The following STK36 variants were observed in gnomAD, a reference collection of about 807,000 sequenced individuals.
The protein encoded by STK36 is serine/threonine kinase 36.
A neutral mutation model predicts 142.2 loss-of-function variants in STK36; 116 were observed. The ratio of observed to expected loss-of-function variants is 0.82; its 90% CI spans 0.70 to 0.95. The LOEUF is 0.95. Among genes scored for constraint, STK36 ranks in the 40% least tolerant of loss-of-function variants. The pLI, the probability that STK36 is intolerant of heterozygous loss-of-function variation, is 0.00. For synonymous variants in STK36, 619 were observed against 641.7 expected (o/e 0.96, Z 0.53); for missense variants, 1,422 against 1,617.2 (o/e 0.88, Z 2.07).
chr2:218,698,533 GT>G, intron 25 of STK36, 68 bp from the exon 26 acceptor site: 2 of 1,537,368 alleles, frequency 1.3e-6, no homozygotes, highest in Non-Finnish European at 8.7e-7. Flanking sequence ...TCTCTCCCAG[GT>G]TTTGGGCTTC....
At chr2:218,684,364 C>T (rs1330509456) in intron 10 of STK36, among the ~76,000 whole-genome samples, 1 of 149,750 alleles carries the variant, frequency 6.7e-6, no homozygotes, top group East Asian at 2.0e-4. Context: ...ATCTGCCTGC[C>T]TCAGCCTCCC....
Position 218,694,234 on chromosome 2 carries a change from T to A in STK36, c.2337-30T>A. The A allele has an allele frequency of 6.3e-7, 1 of 1,591,400 alleles. No homozygotes were observed. Among genetic ancestry groups the A allele is most frequent in the Non-Finnish European group, 8.6e-7 (1 of 1,159,350 alleles). The stretch of plus-strand genomic sequence containing the variant: ...GCTTACCAACCTCCTTTAATACTGC[T>A]GCATCCCTTGATGTATCTCTTTATT... On this transcript the variant is annotated intron_variant, in intron 19 of 26. Coordinates refer to ENST00000295709, the MANE Select transcript of STK36 (RefSeq NM_015690.5). The surrounding 1 kb of genome is among the most constrained non-coding windows in gnomAD (Gnocchi z 4.4).
chr2:218,672,997 A>G, intron 2 of STK36, 84 bp downstream of exon 2: 1 of 1,270,496 alleles, frequency 7.9e-7, no homozygotes, highest in Non-Finnish European at 1.1e-6. Flanking sequence ...GAATGTATTT[A>G]TACCAGTTTG....
intron 10 of STK36, among the ~76,000 whole-genome samples, chr2:218,681,446 GT>G (rs945231830): frequency 5.3e-5 from 8 of 151,738 alleles, no homozygotes; most frequent in African/African-American, 9.7e-5. Flanking sequence ...TTATTAATAT[GT>G]TTTTTTTGAG....
At position 218,695,222 on chromosome 2, in the gene STK36, CTTTTTTTT is replaced by C. The variant is rs531122836; in HGVS notation, c.2511+603_2511+610del. 1.5e-4 allele frequency among the ~76,000 whole-genome samples: 13 copies of C among 88,108 alleles called. No homozygotes were observed. The East Asian group carries it at 3.0e-3, about 20-fold the overall frequency. 57.8% of individuals were successfully genotyped at this position (88,108 alleles called of 152,430 possible). On this transcript the variant is annotated intron_variant, in intron 21 of 26. Transcript: ENST00000295709. The stretch of plus-strand genomic sequence containing the variant: ...CTTTATAATCAAATTATTGTCATCC[CTTTTTTTT>C]TTTTTTTTTTTTTTTGAGATGGAGT...
chr2:218,700,984 C>A (rs1485931740), intron 26 of STK36, among the ~76,000 whole-genome samples: 1 of 150,090 alleles, frequency 6.7e-6, no homozygotes, highest in African/African-American at 2.5e-5. Flanking sequence ...TGCATTCCAG[C>A]CTGGGTGACA....
rs926644457 is a variant in STK36 at position 218,694,347 on chromosome 2, C to G, written c.2400+20C>G. 8.1e-6 allele frequency: 13 copies of G among 1,608,960 alleles called. No individual in the cohort carries two copies. Among genetic ancestry groups the G allele is most frequent in the Non-Finnish European group, 1.0e-5 (12 of 1,175,502 alleles). ...CTTGTGGTAAGTTTTTAACCTTCAC[C>G]CTCCTCCCCTTTTCACCCTAGCATC... On this transcript the variant is annotated intron_variant, in intron 20 of 26. Transcript: ENST00000295709. The surrounding 1 kb of genome is among the most constrained non-coding windows in gnomAD (Gnocchi z 4.4).
At chr2:218,676,654 T>TTTTTC (rs1454829227) in intron 6 of STK36, among the ~76,000 whole-genome samples, 8,036 of 142,090 alleles carry the variant, frequency 0.057, 794 homozygotes, top group African/African-American at 0.2. Flanking sequence ...TTTTTTTTTC[T>TTTTTC]TTTTTTTTTT....
At position 218,698,915 on chromosome 2, in the gene STK36, C is replaced by G; in HGVS notation, c.3371C>G (p.Ser1124Cys). The part of the protein sequence containing the change: ...LRSLLGHPEN[S>C]VRAHTYRLLG... Reference sequence around the variant, plus strand: ...AGCCTCCTGGGCCACCCAGAGAATTCTGTGCGGGCACACACTTATAGGCTC... The same window carrying G: ...AGCCTCCTGGGCCACCCAGAGAATTGTGTGCGGGCACACACTTATAGGCTC... The change falls in exon 26 of 27, where the codon TCT (serine) becomes TGT (cysteine). Residue 1124 changes from serine to cysteine, a missense_variant. Physicochemically the swap from Ser to Cys is moderately radical, Grantham distance 112. Coordinates refer to ENST00000295709, the MANE Select transcript of STK36 (RefSeq NM_015690.5). 2.5e-6 allele frequency: 4 copies of G among 1,614,210 alleles called. No individual in the cohort carries two copies. The highest frequency in any genetic ancestry group is 3.4e-6 in the Non-Finnish European group (4 of 1,180,020).
intron 1 of STK36, chr2:218,672,487 G>C (rs941259301): frequency 3.1e-6 from 1 of 326,288 alleles, no homozygotes; most frequent in African/African-American, 2.1e-5. Flanking sequence ...GTTGGGCGAG[G>C]CTAGGTTGAA....
In STK36 at chr2:218,698,690, A is replaced by G; in HGVS notation, c.3146A>G (p.Asn1049Ser). ...RLALMDPTSL[N>S]QFVNTVSASP... ...GCCCTCATGGATCCCACCTCTCTCA[A>G]CCAGTTTGTGAACACAGTGTCTGCC... Residue 1049 changes from asparagine to serine, a missense_variant, in exon 26 of 27, where the codon AAC becomes AGC. Asn to Ser is a conservative substitution (Grantham distance 46). Around this residue, in one of 2 missense-constraint regions of STK36, gnomAD observed 962 missense variants for 1,167.5 expected, o/e 0.82. Transcript: ENST00000295709. The G allele has an allele frequency of 1.9e-6, 3 of 1,613,674 alleles. No individual in the cohort carries two copies. Among genetic ancestry groups the G allele is most frequent in the South Asian group, 2.2e-5 (2 of 91,052 alleles).
intron 2 of STK36, 191 bp downstream of exon 2, chr2:218,673,104 C>T: frequency 1.9e-6 from 1 of 533,484 alleles, no homozygotes; most frequent in Non-Finnish European, 3.4e-6. Flanking sequence ...GCTTTCTAGC[C>T]CTAGAATTAT....
At position 218,698,637 on chromosome 2, in the gene STK36, G is replaced by A. The variant is rs1420712062; in HGVS notation, c.3093G>A (p.Glu1031=). Residue 1031 remains glutamate (E), a synonymous_variant, in exon 26 of 27, where the codon GAG becomes GAA. Transcript: ENST00000295709. The part of the protein sequence containing the change: ...CCYHLPLMQV[E]LPISLLTRLA... ...ACCATCTTCCGTTGATGCAAGTGGA[G>A]CTGCCCATCAGCCTTCTCACACGCC... The A allele has an allele frequency of 7.4e-6, 12 of 1,614,146 alleles. No homozygotes were observed. The highest frequency in any genetic ancestry group is 1.0e-5 in the Non-Finnish European group (12 of 1,180,020).
chr2:218,700,363 C>T (rs192074991), intron 26 of STK36, among the ~76,000 whole-genome samples: 3 of 152,058 alleles, frequency 2.0e-5, no homozygotes, highest in Admixed American at 6.5e-5. Flanking sequence ...TCACCATGCC[C>T]GGCTAATCTT....
At chr2:218,687,433 T>C (rs1940820997) in intron 11 of STK36, among the ~76,000 whole-genome samples, 1 of 152,246 alleles carries the variant, frequency 6.6e-6, no homozygotes, top group Admixed American at 6.5e-5. Context: ...GTATATAATG[T>C]GAGGAAAGGA....
intron 10 of STK36, among the ~76,000 whole-genome samples, chr2:218,681,850 G>A (rs920592238): frequency 3.3e-5 from 5 of 152,244 alleles, no homozygotes; most frequent in Non-Finnish European, 7.3e-5. Flanking sequence ...CCTAACACTG[G>A]TGCAATGGGG....
chr2:218,692,813 T>A, intron 16 of STK36, 103 bp downstream of exon 16: 1 of 1,428,596 alleles, frequency 7.0e-7, no homozygotes, highest in Non-Finnish European at 9.3e-7. Context: ...TTTAAGCCCC[T>A]CCTTTAGTAC....
At chr2:218,679,328 C>G (rs866239629) in intron 7 of STK36, 67 bp downstream of exon 7, 2 of 1,476,192 alleles carry the variant, frequency 1.4e-6, no homozygotes, top group South Asian at 2.3e-5. Flanking sequence ...TTCCCTTTCA[C>G]TTCCCCGACC....
chr2:218,690,025 A>T, intron 13 of STK36, 69 bp downstream of exon 13: 1 of 1,401,276 alleles, frequency 7.1e-7, no homozygotes, highest in South Asian at 1.2e-5. Context: ...TGCCCTTCCC[A>T]TTTAGGAACA....
Sources: allele counts gnomAD v4.1 joint callset (sites outside exome capture counted in the v4.1 genomes callset), GRCh38; gene constraint gnomAD v4.1.1; regional missense constraint gnomAD v4.1.1; non-coding constraint Gnocchi (gnomAD v3.1); transcripts MANE v1.5; gene names NCBI Gene and HGNC (gene_info 2026-07-23, HGNC 2026-07-21).